DAB1: variants seen among roughly 807,000 people sequenced by gnomAD.
DAB1 encodes disabled homolog 1.
In DAB1, 15 loss-of-function variants were observed where a neutral mutation model predicts 64.6. The observed-to-expected ratio is 0.23, with a 90% CI of 0.16 to 0.36. The LOEUF is 0.36. Ranked by LOEUF, DAB1 falls within the 10% of genes least tolerant of loss-of-function variation. DAB1 has a pLI of 1.00. For missense variants in DAB1, 596 were observed against 706.7 expected, an observed-to-expected ratio of 0.84 and a Z score of 1.78; for synonymous variants, 235 against 251.9, an observed-to-expected ratio of 0.93 and a Z score of 0.64.
chr1:57,158,890 T>C (rs373251874), intron 2 of DAB1, among the ~76,000 whole-genome samples: 35 of 152,360 alleles, frequency 2.3e-4, no homozygotes, highest in African/African-American at 7.9e-4. Context: ...AAATGTTCTC[T>C]GGTACTTCTG....
At chr1:57,066,592 G>A (rs1249385843) in intron 8 of DAB1, among the ~76,000 whole-genome samples, 2 of 152,152 alleles carry the variant, frequency 1.3e-5, no homozygotes, top group Non-Finnish European at 2.9e-5. Context: ...AAGCACGCTT[G>A]AGGATTTCTG....
chr1:58,544,752 T>C (rs894478453), intron 1 of DAB1, among the ~76,000 whole-genome samples: 10 of 152,066 alleles, frequency 6.6e-5, no homozygotes, highest in African/African-American at 2.4e-4. Flanking sequence ...CATTACCACA[T>C]CTGGCTAATT....
intron 7 of DAB1, among the ~76,000 whole-genome samples, chr1:57,493,979 G>A (rs10493226): frequency 6.6e-6 from 1 of 152,004 alleles, no homozygotes; most frequent in Non-Finnish European, 1.5e-5. Context: ...ACTGAACCTC[G>A]GTTTATTCAG....
intron 5 of DAB1, among the ~76,000 whole-genome samples, chr1:58,087,932 A>G (rs536695803): frequency 4.6e-5 from 7 of 152,214 alleles, no homozygotes; most frequent in African/African-American, 1.7e-4. Flanking sequence ...TGAATTAAGT[A>G]TAGTTCCTGA....
intron 3 of DAB1, among the ~76,000 whole-genome samples, chr1:58,387,722 CTT>C (rs35563837): frequency 0.24 from 15,504 of 64,342 alleles, 707 homozygotes; most frequent in Middle Eastern, 0.29. Context: ...CTTTTCTTTT[CTT>C]TTTTTTTTTT....
chr1:57,197,684 T>C (rs532288724), intron 2 of DAB1, among the ~76,000 whole-genome samples: 1 of 152,332 alleles, frequency 6.6e-6, no homozygotes, highest in Non-Finnish European at 1.5e-5. Flanking sequence ...TGGTTTTACA[T>C]CCCCTTTGAA....
At chr1:58,231,579 A>G (rs996441646) in intron 4 of DAB1, among the ~76,000 whole-genome samples, 4 of 152,232 alleles carry the variant, frequency 2.6e-5, no homozygotes, top group Admixed American at 2.6e-4. Flanking sequence ...CAGGAGTGCT[A>G]GACAAAGGTA....
intron 7 of DAB1, among the ~76,000 whole-genome samples, chr1:57,636,976 A>T (rs1053382723): frequency 5.3e-5 from 8 of 152,126 alleles, no homozygotes; most frequent in East Asian, 1.9e-4. Flanking sequence ...CATAAAAATT[A>T]AAAAAGTTAC....
At chr1:58,416,158 C>G (rs1644718006) in intron 3 of DAB1, among the ~76,000 whole-genome samples, 1 of 152,172 alleles carries the variant, frequency 6.6e-6, no homozygotes. Context: ...TGTCCCAGCT[C>G]ACATAGCATA....
At chr1:58,032,302 C>T (rs987726549) in intron 5 of DAB1, among the ~76,000 whole-genome samples, 3 of 152,260 alleles carry the variant, frequency 2.0e-5, no homozygotes, top group East Asian at 1.9e-4. Context: ...CCTTCATAAT[C>T]CTCAGGCACA....
intron 3 of DAB1, among the ~76,000 whole-genome samples, chr1:58,476,155 T>C (rs561555088): frequency 1.3e-5 from 2 of 152,332 alleles, no homozygotes; most frequent in East Asian, 3.9e-4. Flanking sequence ...CTATGTTTAA[T>C]ATTTCAAAGA....
chr1:57,439,229 G>A (rs543003468), intron 7 of DAB1, among the ~76,000 whole-genome samples: 1 of 152,056 alleles, frequency 6.6e-6, no homozygotes, highest in South Asian at 2.1e-4. Flanking sequence ...GGATAAAGCT[G>A]ACCCCAAGGA....
upstream of DAB1, among the ~76,000 whole-genome samples, chr1:57,886,822 C>T (rs557961636): frequency 2.0e-5 from 3 of 152,288 alleles, no homozygotes; most frequent in Non-Finnish European, 2.9e-5. Flanking sequence ...TACTGAATCT[C>T]TCCAGGCACG....
chr1:57,238,735 A>T (rs965206962), intron 2 of DAB1, among the ~76,000 whole-genome samples: 67 of 152,218 alleles, frequency 4.4e-4, no homozygotes, highest in African/African-American at 1.6e-3. Context: ...GTGAACAACA[A>T]TCCATGTACA....
rs151151533 is a variant in DAB1, at chr1:58,463,736, G to A, written n.257+42324C>T. ...GCCTCAATGTCTCTGCACTTGGCCTGGTGGACATTTACAGATGTGGATGGC... is the reference window on the plus strand; with the variant it reads ...GCCTCAATGTCTCTGCACTTGGCCTAGTGGACATTTACAGATGTGGATGGC... On this transcript the variant is annotated intron_variant and non_coding_transcript_variant, in intron 3 of 20. Coordinates refer to the DAB1 transcript ENST00000485760. Among the ~76,000 whole-genome samples, 181 of 152,294 alleles carry A rather than the reference G, an allele frequency of 1.2e-3. 1 individual carries two copies. Among genetic ancestry groups the A allele is most frequent in the African/African-American group, 4.0e-3 (167 of 41,560 alleles).
Position 58,085,958 on chromosome 1 carries a change from C to CTTT in DAB1, n.387+64550_387+64552dup, listed in dbSNP as rs911523306. ...GGATGCTGTGGGCTGATCTCTCTCT[C>CTTT]TTTTTTTTTTTTTTTTTTTTTTTGA... On this transcript the variant is annotated intron_variant and non_coding_transcript_variant, in intron 5 of 20. Coordinates refer to the DAB1 transcript ENST00000485760. 3.3e-3 allele frequency among the ~76,000 whole-genome samples: 321 copies of CTTT among 98,690 alleles called. 16 individuals are homozygous for CTTT. Among genetic ancestry groups the CTTT allele is most frequent in the African/African-American group, 9.4e-3 (208 of 22,242 alleles). The allele number at this position is 98,690 out of a possible 152,430, so 64.7% of individuals were successfully genotyped here. A position where few individuals can be genotyped will look rare whatever the true frequency, so the allele number is the denominator to read the frequency against.
At chr1:57,149,302 T>C (rs745952864) in intron 2 of DAB1, among the ~76,000 whole-genome samples, 1 of 152,208 alleles carries the variant, frequency 6.6e-6, no homozygotes, top group South Asian at 2.1e-4. Context: ...TGTACAAGTT[T>C]TTGTGTGGCT....
intron 1 of DAB1, among the ~76,000 whole-genome samples, chr1:57,372,824 C>T (rs1486301886): frequency 6.6e-6 from 1 of 152,116 alleles, no homozygotes; most frequent in Non-Finnish European, 1.5e-5. Context: ...ATACACTTCT[C>T]GGAGTATCCA....
chr1:57,550,562 C>T (rs752829037), intron 7 of DAB1, among the ~76,000 whole-genome samples: 2 of 150,468 alleles, frequency 1.3e-5, no homozygotes, highest in Non-Finnish European at 3.0e-5. Flanking sequence ...TAAAACAAGT[C>T]TGTCTATTGC....
Sources: gnomAD v4.1 joint callset for allele counts (sites outside exome capture counted in the v4.1 genomes callset) on GRCh38, gnomAD v4.1.1 for gene constraint, MANE v1.5 for transcripts, NCBI Gene and HGNC (gene_info 2026-07-23, HGNC 2026-07-21) for gene names.